The following SULF1 variants were observed in gnomAD, a reference collection of about 807,000 sequenced individuals.
The protein encoded by SULF1 is sulfatase 1, also known as extracellular sulfatase Sulf-1.
In SULF1, 46 loss-of-function variants were observed where a neutral mutation model predicts 110.5. The observed-to-expected ratio is 0.42, with a 90% CI of 0.33 to 0.53. SULF1 has a LOEUF of 0.53. Among genes scored for constraint, SULF1 ranks in the 20% least tolerant of loss-of-function variants. The probability of loss-of-function intolerance (pLI) is 0.12; values close to 1 mark genes in which losing one functional copy is unlikely to be tolerated. For missense variants in SULF1, 941 were observed against 1,094.2 expected, an observed-to-expected ratio of 0.86 and a Z score of 1.98; for synonymous variants, 371 against 387.1, an observed-to-expected ratio of 0.96 and a Z score of 0.49.
chr8:69,646,704 GC>G (rs911264578), intron 22 of SULF1, among the ~76,000 whole-genome samples: 2 of 152,072 alleles, frequency 1.3e-5, no homozygotes, highest in Admixed American at 1.3e-4. Flanking sequence ...TCTGGTTCTA[GC>G]TGTGCTGTTC....
chr8:69,625,755 G>T (rs1056187544), intron 15 of SULF1, among the ~76,000 whole-genome samples: 1 of 152,200 alleles, frequency 6.6e-6, no homozygotes, highest in East Asian at 1.9e-4. Flanking sequence ...TGCAAAGAGC[G>T]AAAGAACGGA....
intron 22 of SULF1, 46 bp from the exon 23 acceptor site, chr8:69,658,459 A>G: frequency 7.0e-7 from 1 of 1,437,764 alleles, no homozygotes; most frequent in Non-Finnish European, 9.5e-7. Context: ...GGTAAGTAGA[A>G]AGCCTTTTCT....
chr8:69,603,441 A>G, intron 11 of SULF1, 121 bp downstream of exon 11: 3 of 1,512,982 alleles, frequency 2.0e-6, no homozygotes, highest in Non-Finnish European at 2.7e-6. Context: ...GGATCACCCC[A>G]AGCTGAGCAT....
At position 69,549,563 on chromosome 8, in the gene SULF1, C is replaced by A. The variant is rs569310161; in HGVS notation, c.-133-13976C>A. 5.0e-4 allele frequency among the ~76,000 whole-genome samples: 75 copies of A among 148,832 alleles called. 3 individuals carry two copies. In the Middle Eastern group the frequency reaches 0.017, roughly 34 times the overall value. On this transcript the variant is annotated intron_variant, in intron 3 of 22. Transcript: ENST00000402687. ...TCTCCTTGAAGTTAGGGAGACAAGT[C>A]CTGCTGGGGGTGGGTTGGGAGGGGG...
chr8:69,513,131 A>G (rs1175711349), intron 3 of SULF1, among the ~76,000 whole-genome samples: 1 of 152,208 alleles, frequency 6.6e-6, no homozygotes, highest in Non-Finnish European at 1.5e-5. Context: ...TACACAATAA[A>G]TGTTCATTGT....
chr8:69,522,131 A>G lies in SULF1; in HGVS notation c.-134+20163A>G, dbSNP rs1056537975. On this transcript the variant is annotated intron_variant, in intron 3 of 22. Transcript: ENST00000402687. ...AGTGGAATGATCTCAGCTCACTGCA[A>G]CCTCCACCTCCTGGGTTCAAACAAT... Among the ~76,000 whole-genome samples the G allele has an allele frequency of 2.0e-5, 3 of 151,756 alleles. 1 individual carries two copies. The highest frequency in any genetic ancestry group is 1.5e-5 in the Non-Finnish European group (1 of 67,932).
At chr8:69,635,164 T>G (rs1056299329) in intron 19 of SULF1, among the ~76,000 whole-genome samples, 1 of 152,338 alleles carries the variant, frequency 6.6e-6, no homozygotes, top group African/African-American at 2.4e-5. Context: ...GAGGGTTGAA[T>G]AGGCAGAACA....
intron 8 of SULF1, among the ~76,000 whole-genome samples, chr8:69,596,086 G>A (rs368319819): frequency 5.3e-5 from 8 of 152,288 alleles, no homozygotes; most frequent in East Asian, 1.9e-4. Flanking sequence ...ATGATCCAGC[G>A]CACTGAGCAA....
chr8:69,633,447 G>A (rs534753779), intron 19 of SULF1, among the ~76,000 whole-genome samples: 1 of 151,222 alleles, frequency 6.6e-6, no homozygotes, highest in Non-Finnish European at 1.5e-5. Context: ...TCTTGCCTCA[G>A]CCTCCCAAGT....
chr8:69,597,433 T>TG (rs1003942994), intron 8 of SULF1: 1 of 152,220 alleles, frequency 6.6e-6, no homozygotes, highest in African/African-American at 2.4e-5. Flanking sequence ...TCCCCAGAGC[T>TG]GGGGGTCATC....
intron 3 of SULF1, among the ~76,000 whole-genome samples, chr8:69,522,888 T>G (rs1563494117): frequency 6.6e-6 from 1 of 152,170 alleles, no homozygotes; most frequent in Non-Finnish European, 1.5e-5. Context: ...GAAAGCCTGA[T>G]TATTTAGGCA....
intron 3 of SULF1, among the ~76,000 whole-genome samples, chr8:69,506,223 TA>T (rs1811186525): frequency 7.1e-6 from 1 of 140,064 alleles, no homozygotes; most frequent in African/African-American, 2.7e-5. Flanking sequence ...ATAAGAGAGA[TA>T]ACACTAAACA....
intron 13 of SULF1, among the ~76,000 whole-genome samples, chr8:69,606,058 G>A (rs11995285): frequency 7.2e-5 from 11 of 152,172 alleles, no homozygotes; most frequent in Non-Finnish European, 1.6e-4. Context: ...AAGATGTCAG[G>A]CTCATGGAAT....
At chr8:69,505,772 T>A (rs1811142013) in intron 3 of SULF1, among the ~76,000 whole-genome samples, 2 of 152,174 alleles carry the variant, frequency 1.3e-5, no homozygotes, top group Non-Finnish European at 2.9e-5. Flanking sequence ...ACTCTTTTCC[T>A]TTGTGATTCC....
At chr8:69,519,257 C>G (rs1369237324) in intron 3 of SULF1, among the ~76,000 whole-genome samples, 1 of 152,162 alleles carries the variant, frequency 6.6e-6, no homozygotes, top group Non-Finnish European at 1.5e-5. Context: ...GTGACAGGGA[C>G]TCATTCATCT....
At chr8:69,539,260 T>C (rs1813694742) in intron 3 of SULF1, among the ~76,000 whole-genome samples, 1 of 152,304 alleles carries the variant, frequency 6.6e-6, no homozygotes, top group South Asian at 2.1e-4. Flanking sequence ...AAGTTGGACT[T>C]CCACAACTTT....
chr8:69,489,094 G>A (rs1048151890), upstream of SULF1, among the ~76,000 whole-genome samples: 7 of 152,160 alleles, frequency 4.6e-5, no homozygotes, highest in African/African-American at 1.4e-4. Flanking sequence ...GGGGGGTCCT[G>A]ATGAGGCTCA....
chr8:69,647,075 G>T (rs1223882792), intron 22 of SULF1, among the ~76,000 whole-genome samples: 1 of 150,504 alleles, frequency 6.6e-6, no homozygotes, highest in Admixed American at 6.7e-5. Context: ...CTCCCTAGTA[G>T]CTGGGACTAC....
rs16936186 is a variant in SULF1, at chr8:69,627,340, C to G, written c.1947+34C>G. 5.9e-3 allele frequency: 9,237 copies of G among 1,561,606 alleles called. 436 individuals carry two copies. In the African/African-American group the frequency reaches 0.11, roughly 18 times the overall value. On this transcript the variant is annotated intron_variant, in intron 16 of 22. Coordinates refer to ENST00000402687, the MANE Select transcript of SULF1 (RefSeq NM_001128205.2). ...TGGCTATGTGACTGTCAGATATATTCCAAACTCAAACTCGGCCTGCCAGCC... is the reference window on the plus strand; with the variant it reads ...TGGCTATGTGACTGTCAGATATATTGCAAACTCAAACTCGGCCTGCCAGCC...
Sources: allele counts gnomAD v4.1 joint callset (sites outside exome capture counted in the v4.1 genomes callset), GRCh38; gene constraint gnomAD v4.1.1; transcripts MANE v1.5; gene names NCBI Gene and HGNC (gene_info 2026-07-23, HGNC 2026-07-21).